MBD5: variants seen among roughly 807,000 people sequenced by gnomAD.
The protein encoded by MBD5 is methyl-CpG binding domain protein 5, also known as methyl-CpG-binding domain protein 5.
MBD5 carries 13 observed loss-of-function variants against 117.3 expected under a neutral mutation model. That is an observed-to-expected ratio of 0.11 (90% CI 0.07 to 0.18). The LOEUF is 0.18. Ranked by LOEUF, MBD5 falls within the 10% of genes least tolerant of loss-of-function variation. The probability of loss-of-function intolerance (pLI) is 1.00; values close to 1 mark genes in which losing one functional copy is unlikely to be tolerated. For synonymous variants in MBD5, 727 were observed against 766.4 expected, an observed-to-expected ratio of 0.95 and a Z score of 0.85; for missense variants, 1,879 against 2,093.8, an observed-to-expected ratio of 0.90 and a Z score of 2.00.
rs181359952 is a variant in MBD5 at position 148,444,623 on chromosome 2, G to A, written c.-556-13580G>A. On this transcript the variant is annotated intron_variant, in intron 4 of 13. Coordinates refer to ENST00000642680, the MANE Select transcript of MBD5 (RefSeq NM_001378120.1). The stretch of plus-strand genomic sequence containing the variant: ...ATGAGATCATTTGCAAAGATTAGGC[G>A]AAGTTTCAGGTCTCCCACTAACCTT... Among the ~76,000 whole-genome samples, 17 of 151,218 alleles carry A rather than the reference G, an allele frequency of 1.1e-4. No homozygotes were observed. The East Asian group carries it at 2.7e-3, about 24-fold the overall frequency.
intron 1 of MBD5, among the ~76,000 whole-genome samples, chr2:148,102,357 G>T (rs965484947): frequency 6.6e-6 from 1 of 152,120 alleles, no homozygotes; most frequent in Non-Finnish European, 1.5e-5. Context: ...TTTCTGTCAG[G>T]TGCTTTACAT....
chr2:148,314,408 C>T (rs1394557426), intron 3 of MBD5, among the ~76,000 whole-genome samples: 17 of 124,306 alleles, frequency 1.4e-4, no homozygotes, highest in Non-Finnish European at 2.7e-4. Flanking sequence ...GACAGAGTCT[C>T]ACTCTGTTGC....
Position 148,145,979 on chromosome 2 carries a change from G to A in MBD5, c.-924-32721G>A, listed in dbSNP as rs13404809. ...TTGGCCTCATAAAATGAGTTAGGGC[G>A]GATTCTCTCTTTTTCTATTGATTGG... is the stretch of plus-strand genomic sequence containing the variant. On this transcript the variant is annotated intron_variant, in intron 1 of 13. Coordinates refer to ENST00000642680, the MANE Select transcript of MBD5 (RefSeq NM_001378120.1). Among the ~76,000 whole-genome samples, 1,517 of 152,122 alleles carry A rather than the reference G, an allele frequency of 1.0e-2. 27 individuals are homozygous for A. Among genetic ancestry groups the A allele is most frequent in the African/African-American group, 0.035 (1,432 of 41,486 alleles).
chr2:148,218,502 C>T (rs1368971204), intron 2 of MBD5, among the ~76,000 whole-genome samples: 1 of 152,144 alleles, frequency 6.6e-6, no homozygotes, highest in African/African-American at 2.4e-5. Context: ...AAACAGATGG[C>T]AATCTATTCT....
At chr2:148,103,607 CCTTT>C (rs1696288629) in intron 1 of MBD5, among the ~76,000 whole-genome samples, 1 of 152,050 alleles carries the variant, frequency 6.6e-6, no homozygotes, top group Non-Finnish European at 1.5e-5. Context: ...AGTGAAGTGC[CCTTT>C]CTTTGTTCTA....
chr2:148,207,455 C>CAA (rs3076428), intron 2 of MBD5, among the ~76,000 whole-genome samples: 85,953 of 144,988 alleles, frequency 0.59, 27,706 homozygotes, highest in East Asian at 0.78. Context: ...AAAAAAAGGA[C>CAA]AAAAAAAAAA....
Position 148,451,753 on chromosome 2 carries a change from A to G in MBD5, c.-556-6450A>G, listed in dbSNP as rs542701069. ...GGGTTTTATGTAGGACTTGTTCTTA[A>G]TTGGAGAATATGAGGTGTTCACTTT... On this transcript the variant is annotated intron_variant, in intron 4 of 13. Coordinates refer to ENST00000642680, the MANE Select transcript of MBD5 (RefSeq NM_001378120.1). Among the ~76,000 whole-genome samples the G allele has an allele frequency of 2.9e-3, 447 of 152,286 alleles. 2 individuals carry two copies. The highest frequency in any genetic ancestry group is 0.01 in the African/African-American group (434 of 41,568).
intron 1 of MBD5, among the ~76,000 whole-genome samples, chr2:148,129,723 C>T (rs1292711859): frequency 6.6e-6 from 1 of 152,054 alleles, no homozygotes; most frequent in African/African-American, 2.4e-5. Flanking sequence ...TATCTACTTG[C>T]CATTTTGTGG....
Position 148,361,002 on chromosome 2 carries a change from G to A in MBD5, c.-557+18666G>A, listed in dbSNP as rs151338985. Among the ~76,000 whole-genome samples the A allele has an allele frequency of 3.3e-3, 505 of 151,770 alleles. 3 individuals are homozygous for A. Among genetic ancestry groups the A allele is most frequent in the East Asian group, 5.6e-3 (29 of 5,182 alleles). The stretch of plus-strand genomic sequence containing the variant: ...TGCTAACTATAAAAATCTTCCCTCC[G>A]CTCCCCTCCTCTCCTTCCATGTTTT... On this transcript the variant is annotated intron_variant, in intron 4 of 13. Transcript: ENST00000642680.
intron 4 of MBD5, among the ~76,000 whole-genome samples, chr2:148,368,235 C>T (rs1433925979): frequency 6.6e-6 from 1 of 152,012 alleles, no homozygotes; most frequent in African/African-American, 2.4e-5. Context: ...AACAGAAAAC[C>T]AAACACCGCA....
At chr2:148,223,238 G>A (rs1399904384) in intron 2 of MBD5, among the ~76,000 whole-genome samples, 2 of 151,924 alleles carry the variant, frequency 1.3e-5, no homozygotes, top group African/African-American at 4.8e-5. Flanking sequence ...TTTTTTTAAT[G>A]TGTATTTGTC....
In MBD5 at chr2:148,305,078, TA is replaced by T. The variant is rs1406626002; in HGVS notation, c.-679-37132del. The stretch of plus-strand genomic sequence containing the variant: ...AGACTCCGTCTCAAAAAAAAAAAAA[TA>T]AAATAAAATAAAAGGCAGGCCATTT... On this transcript the variant is annotated intron_variant, in intron 3 of 13. Transcript: ENST00000642680. Among the ~76,000 whole-genome samples, 127 of 139,542 alleles carry T rather than the reference TA, an allele frequency of 9.1e-4. 1 individual carries two copies. The highest frequency in any genetic ancestry group is 3.5e-3 in the African/African-American group (119 of 34,360). 91.5% of individuals were successfully genotyped at this position (139,542 alleles called of 152,430 possible).
intron 4 of MBD5, among the ~76,000 whole-genome samples, chr2:148,355,783 G>A (rs1703366140): frequency 6.6e-6 from 1 of 152,154 alleles, no homozygotes; most frequent in South Asian, 2.1e-4. Context: ...CATTTCATAT[G>A]AAATTTAAAG....
intron 3 of MBD5, among the ~76,000 whole-genome samples, chr2:148,328,448 T>C (rs558300570): frequency 1.3e-5 from 2 of 152,356 alleles, no homozygotes; most frequent in South Asian, 2.1e-4. Flanking sequence ...GCCTCGCTGC[T>C]GCCTTGCAGT....
intron 1 of MBD5, among the ~76,000 whole-genome samples, chr2:148,046,521 G>GGTGCTGTCCCTGTCTACCCCAATT (rs1694538794): frequency 6.6e-6 from 1 of 151,932 alleles, no homozygotes; most frequent in Non-Finnish European, 1.5e-5. Context: ...TTTCTTGGAT[G>GGTGCTGTCCCTGTCTACCCCAATT]GTGCTGTCCC....
Position 148,390,517 on chromosome 2 carries a change from ATG to A in MBD5, c.-557+48195_-557+48196del, listed in dbSNP as rs34870884. ...TGTATATATGTGTGTGTATGTATAT[ATG>A]TGTGTGTGTGTGTATATGTGTGTAT... On this transcript the variant is annotated intron_variant, in intron 4 of 13. Transcript: ENST00000642680. Among the ~76,000 whole-genome samples, 178 of 148,750 alleles carry A rather than the reference ATG, an allele frequency of 1.2e-3. No individual in the cohort carries two copies. The Middle Eastern group carries it at 0.014, about 12-fold the overall frequency.
chr2:148,153,279 C>G (rs1204308396), intron 1 of MBD5, among the ~76,000 whole-genome samples: 2 of 152,110 alleles, frequency 1.3e-5, no homozygotes, highest in African/African-American at 4.8e-5. Flanking sequence ...CCACTCTCTT[C>G]TGGCTTGTAG....
intron 3 of MBD5, among the ~76,000 whole-genome samples, chr2:148,279,957 A>G (rs1701202697): frequency 6.6e-6 from 1 of 151,938 alleles, no homozygotes; most frequent in Non-Finnish European, 1.5e-5. Flanking sequence ...CTTTGGGCTC[A>G]TTTTAACCAT....
At chr2:148,258,124 G>T (rs1370029483) in intron 3 of MBD5, among the ~76,000 whole-genome samples, 2 of 152,146 alleles carry the variant, frequency 1.3e-5, no homozygotes, top group African/African-American at 4.8e-5. Flanking sequence ...ACCAGTCAGG[G>T]TTGTGGCAGA....
Sources: gnomAD v4.1 joint callset for allele counts (sites outside exome capture counted in the v4.1 genomes callset) on GRCh38, gnomAD v4.1.1 for gene constraint, MANE v1.5 for transcripts, NCBI Gene and HGNC (gene_info 2026-07-23, HGNC 2026-07-21) for gene names.